The following APC variants were observed in gnomAD, a reference collection of about 807,000 sequenced individuals.
APC encodes adenomatous polyposis coli protein.
In APC, 72 loss-of-function variants were observed where a neutral mutation model predicts 247.0. The observed-to-expected ratio is 0.29, with a 90% CI of 0.24 to 0.35. The LOEUF (loss-of-function observed/expected upper bound fraction) is 0.35, where lower values mean the gene tolerates loss of function less well. Ranked by LOEUF, APC falls within the 10% of genes least tolerant of loss-of-function variation. APC has a pLI of 1.00. For synonymous variants in APC, 1,254 were observed against 1,162.5 expected, an observed-to-expected ratio of 1.08 and a Z score of -1.60; for missense variants, 3,400 against 3,360.7, an observed-to-expected ratio of 1.01 and a Z score of -0.29.
rs1801166 is a variant in APC at position 112,839,543 on chromosome 5, G to C, written c.3949G>C (p.Glu1317Gln). The C allele has an allele frequency of 7.3e-3, 11,738 of 1,614,214 alleles. 60 individuals are homozygous for C. Among genetic ancestry groups the C allele is most frequent in the Middle Eastern group, 0.012 (72 of 6,062 alleles). ...IKEKIGTRSA[E>Q]DPVSEVPAVS... ...AGAAAAGATTGGAACTAGGTCAGCT[G>C]AAGATCCTGTGAGCGAAGTTCCAGC... Residue 1317 changes from glutamate to glutamine, a missense_variant, in exon 16 of 16, where the codon GAA becomes CAA. By Grantham distance (29) the Glu-to-Gln change is conservative (BLOSUM62 2). Coordinates refer to ENST00000257430, the MANE Select transcript of APC (RefSeq NM_000038.6). This position sits in a 1 kb window ranked among gnomAD's most constrained non-coding sequence, Gnocchi z 5.0.
At chr5:112,817,793 C>T (rs554257810) in intron 9 of APC, among the ~76,000 whole-genome samples, 20 of 152,254 alleles carry the variant, frequency 1.3e-4, no homozygotes, top group African/African-American at 4.8e-4. Flanking sequence ...CATTTTGCAG[C>T]TCAGAAAACT....
intron 1 of APC, among the ~76,000 whole-genome samples, chr5:112,715,687 G>A (rs190646464): frequency 4.6e-5 from 7 of 152,208 alleles, no homozygotes; most frequent in Admixed American, 2.6e-4. Flanking sequence ...TATTTATGGG[G>A]TACATGTTAT....
Position 112,775,624 on chromosome 5 carries a change from AAT to A in APC, c.423-3_423-2del, listed in dbSNP as rs863225354. On this transcript the variant is annotated splice_polypyrimidine_tract_variant and splice_region_variant and intron_variant, in intron 4 of 15. Coordinates refer to ENST00000257430, the MANE Select transcript of APC (RefSeq NM_000038.6). ...ACGTACCTTTTTTTAAAAAAAAAAA[AAT>A]AGGTCATTGCTTCTTGCTGATCTTG... 1 of 1,581,776 alleles carries A rather than the reference AAT, an allele frequency of 6.3e-7. No homozygotes were observed. Among genetic ancestry groups the A allele is most frequent in the Non-Finnish European group, 8.6e-7 (1 of 1,156,208 alleles).
At chr5:112,801,166 C>T in intron 7 of APC, 113 bp from the exon 8 acceptor site, 1 of 723,076 alleles carries the variant, frequency 1.4e-6, no homozygotes, top group Non-Finnish European at 2.4e-6. Context: ...ATGCCTTTAT[C>T]AGTCTGTATA....
chr5:112,722,981 C>T (rs1488474828), intron 1 of APC, among the ~76,000 whole-genome samples: 1 of 152,052 alleles, frequency 6.6e-6, no homozygotes, highest in Non-Finnish European at 1.5e-5. Context: ...CTTGGCCTCT[C>T]TGTGTAGCAT....
intron 8 of APC, among the ~76,000 whole-genome samples, chr5:112,814,948 T>G (rs1342120257): frequency 6.6e-6 from 1 of 152,204 alleles, no homozygotes; most frequent in Non-Finnish European, 1.5e-5. Context: ...ATGCAGTAAT[T>G]TCTTTCTTCC....
chr5:112,726,371 A>T (rs999942881), intron 1 of APC, among the ~76,000 whole-genome samples: 3 of 152,014 alleles, frequency 2.0e-5, no homozygotes, highest in Non-Finnish European at 4.4e-5. Flanking sequence ...TGGGAAGATG[A>T]TCTTCCCCTG....
rs145245264 is a variant in APC at position 112,838,070 on chromosome 5, T to C, written c.2476T>C (p.Leu826=). The C allele has an allele frequency of 1.2e-6, 2 of 1,614,088 alleles. No homozygotes were observed. Among genetic ancestry groups the C allele is most frequent in the Non-Finnish European group, 1.7e-6 (2 of 1,180,040 alleles). ...TGNMTVLSPY[L]NTTVLPSSSS... The stretch of plus-strand genomic sequence containing the variant: ...CAACATGACTGTCCTTTCACCATAT[T>C]TGAATACTACAGTGTTACCCAGCTC... The change falls in exon 16 of 16, where the codon TTG becomes CTG. Residue 826 remains leucine, a synonymous_variant. Coordinates refer to ENST00000257430, the MANE Select transcript of APC (RefSeq NM_000038.6).
At chr5:112,790,703 T>C (rs1262608410) in intron 6 of APC, among the ~76,000 whole-genome samples, 2 of 152,194 alleles carry the variant, frequency 1.3e-5, no homozygotes, top group African/African-American at 4.8e-5. Flanking sequence ...TTTACTATGG[T>C]AGTAAGAAAA....
rs75064858 is a variant in APC at position 112,764,598 on chromosome 5, A to G, written c.136-1728A>G. 2.7e-4 allele frequency among the ~76,000 whole-genome samples: 41 copies of G among 152,362 alleles called. No individual in the cohort carries two copies. In the East Asian group the frequency reaches 7.7e-3, roughly 29 times the overall value. ...CATTTAGATGTATGGTACCTGTCAT[A>G]CAGATGTAAAGCATCCATCAGTTGG... On this transcript the variant is annotated intron_variant, in intron 2 of 15. Coordinates refer to ENST00000257430, the MANE Select transcript of APC (RefSeq NM_000038.6).
chr5:112,751,835 A>G (rs1367687244), intron 1 of APC, among the ~76,000 whole-genome samples: 1 of 151,998 alleles, frequency 6.6e-6, no homozygotes, highest in Non-Finnish European at 1.5e-5. Context: ...CTGTAGGACT[A>G]TATCCAGTGT....
rs1554088422 is a variant in APC, at chr5:112,843,110, A to C, written c.7516A>C (p.Lys2506Gln). The C allele has an allele frequency of 6.2e-7, 1 of 1,614,058 alleles. No homozygotes were observed. The highest frequency in any genetic ancestry group is 2.2e-5 in the East Asian group (1 of 44,886). Residue 2506 changes from lysine to glutamine, a missense_variant, in exon 16 of 16, where the codon AAA becomes CAA. By Grantham distance (53) the Lys-to-Gln change is moderately conservative. Coordinates refer to ENST00000257430, the MANE Select transcript of APC (RefSeq NM_000038.6). The surrounding 1 kb of genome is among the most constrained non-coding windows in gnomAD (Gnocchi z 4.8). ...HSSVQAGGWRKLPPNLSPTIE... is the reference protein window; with the variant it reads ...HSSVQAGGWRQLPPNLSPTIE... ...GTCTGTTCAGGCTGGTGGATGGCGA[A>C]AACTCCCACCTAATCTCAGTCCCAC...
At chr5:112,753,437 C>T (rs1754600659) in intron 1 of APC, among the ~76,000 whole-genome samples, 1 of 151,796 alleles carries the variant, frequency 6.6e-6, no homozygotes, top group Non-Finnish European at 1.5e-5. Flanking sequence ...TTTATTAATC[C>T]TAATAATATC....
Position 112,707,794 on chromosome 5 carries a change from G to A in APC, c.77G>A (p.Ser26Asn), listed in dbSNP as rs775738268. Residue 26 changes from serine to asparagine, a missense_variant, in exon 1 of 14, where the codon AGC (serine) becomes AAC (asparagine). Transcript: ENST00000507379. ...CCACCCTCAGTTCTCGGGTCCTGGA[G>A]CACCGGCGGCAGCAGGAGCTGCGTC... 1.5e-6 allele frequency: 2 copies of A among 1,370,676 alleles called. No homozygotes were observed. The highest frequency in any genetic ancestry group is 1.9e-6 in the Non-Finnish European group (2 of 1,038,812). 84.9% of individuals were successfully genotyped at this position (1,370,676 alleles called of 1,614,324 possible). A position where few individuals can be genotyped will look rare whatever the true frequency, so the allele number is the denominator to read the frequency against.
chr5:112,821,784 A>G (rs1763152081), intron 10 of APC, 112 bp from the exon 11 acceptor site: 9 of 805,002 alleles, frequency 1.1e-5, no homozygotes, highest in Non-Finnish European at 1.9e-5. Flanking sequence ...ATCCACTAAA[A>G]TTCCGTGAAT....
Position 112,807,313 on chromosome 5 carries a change from T to G in APC, c.834+5930T>G, listed in dbSNP as rs190490615. Among the ~76,000 whole-genome samples the G allele has an allele frequency of 1.1e-4, 17 of 152,286 alleles. No individual in the cohort carries two copies. In the East Asian group the frequency reaches 2.5e-3, roughly 22 times the overall value. ...TTTAGGGAGTTCTGGGTTTTTGTAATTTGTTATTTGGGGAATTTAAGAAAT... is the reference window on the plus strand; with the variant it reads ...TTTAGGGAGTTCTGGGTTTTTGTAAGTTGTTATTTGGGGAATTTAAGAAAT... On this transcript the variant is annotated intron_variant, in intron 8 of 15. Transcript: ENST00000257430.
At chr5:112,824,822 C>T (rs1432832163) in intron 11 of APC, among the ~76,000 whole-genome samples, 3 of 152,088 alleles carry the variant, frequency 2.0e-5, no homozygotes, top group African/African-American at 7.2e-5. Flanking sequence ...CTTTTACAGG[C>T]TCCTTTTCTT....
chr5:112,820,285 C>A (rs1321269642), intron 10 of APC, among the ~76,000 whole-genome samples: 1 of 151,850 alleles, frequency 6.6e-6, no homozygotes, highest in Non-Finnish European at 1.5e-5. Flanking sequence ...ACAAACATGA[C>A]TTATGAACCT....
intron 11 of APC, among the ~76,000 whole-genome samples, chr5:112,824,286 G>T (rs1056341908): frequency 2.0e-5 from 3 of 152,154 alleles, no homozygotes; most frequent in Admixed American, 6.5e-5. Flanking sequence ...AGAGCAACCA[G>T]TTTTTAATTG....
Sources: gnomAD v4.1 joint callset for allele counts (sites outside exome capture counted in the v4.1 genomes callset) on GRCh38, gnomAD v4.1.1 for gene constraint, Gnocchi (gnomAD v3.1) non-coding constraint, MANE v1.5 for transcripts, NCBI Gene and HGNC (gene_info 2026-07-23, HGNC 2026-07-21) for gene names.